MAML3: variants seen among roughly 807,000 people sequenced by gnomAD.
MAML3 encodes mastermind-like protein 3.
Under a neutral mutation model 101.9 loss-of-function variants are expected in MAML3, and 27 were observed. That is an observed-to-expected ratio of 0.27 (90% CI 0.20 to 0.37). The LOEUF (loss-of-function observed/expected upper bound fraction) is 0.37. Ranked by LOEUF, MAML3 falls within the 10% of genes least tolerant of loss-of-function variation. MAML3 has a pLI of 1.00. For missense variants in MAML3, 1,316 were observed against 1,444.9 expected (o/e 0.91, Z 1.45); for synonymous variants, 501 against 555.9 (o/e 0.90, Z 1.39).
intron 1 of MAML3, among the ~76,000 whole-genome samples, chr4:140,047,824 T>A (rs1409758864): frequency 6.6e-6 from 1 of 150,462 alleles, no homozygotes. Context: ...TGAACTTAAA[T>A]GGAGTGAAGT....
At chr4:139,727,448 C>A (rs1048208528) in intron 3 of MAML3, among the ~76,000 whole-genome samples, 1 of 152,174 alleles carries the variant, frequency 6.6e-6, no homozygotes, top group Admixed American at 6.5e-5. Context: ...CCCCTGGCAG[C>A]CTGTGGGGGA....
intron 1 of MAML3, among the ~76,000 whole-genome samples, chr4:139,988,118 G>C (rs1270530051): frequency 6.6e-6 from 1 of 150,736 alleles, no homozygotes; most frequent in East Asian, 2.0e-4. Context: ...CCTGAGGTCA[G>C]GAGTTCAAGA....
intron 1 of MAML3, among the ~76,000 whole-genome samples, chr4:139,909,968 G>A (rs540611657): frequency 6.6e-6 from 1 of 151,978 alleles, no homozygotes; most frequent in Admixed American, 6.6e-5. Context: ...AATGAGTCCT[G>A]TTAATTAAAT....
intron 1 of MAML3, among the ~76,000 whole-genome samples, chr4:140,104,738 C>T (rs1183868065): frequency 4.6e-5 from 7 of 151,694 alleles, no homozygotes; most frequent in Admixed American, 6.6e-5. Flanking sequence ...AGCGATCACC[C>T]GCCTCGGCCT....
At chr4:140,020,332 GA>G (rs1459993453) in intron 1 of MAML3, among the ~76,000 whole-genome samples, 3 of 151,880 alleles carry the variant, frequency 2.0e-5, no homozygotes, top group Admixed American at 1.3e-4. Flanking sequence ...AAAGATGGAA[GA>G]AAACAGTAGA....
chr4:139,912,658 TG>T (rs143984665), intron 1 of MAML3, among the ~76,000 whole-genome samples: 6,069 of 152,274 alleles, frequency 0.04, 156 homozygotes, highest in African/African-American at 0.07. Flanking sequence ...ACGACAGCCA[TG>T]TGAAAACACG....
Position 139,735,326 on chromosome 4 carries a change from C to A in MAML3, c.2080-4659G>T, listed in dbSNP as rs1369658158. On this transcript the variant is annotated intron_variant, in intron 2 of 4. Coordinates refer to ENST00000509479, the MANE Select transcript of MAML3 (RefSeq NM_018717.5). The surrounding 1 kb of genome is among the most constrained non-coding windows in gnomAD (Gnocchi z 5.8). ...TCTGGGGTTATCTGCCCCCCTCCTC[C>A]GACTGACACTGAACTGGTTTCTCAT... 6.6e-6 allele frequency among the ~76,000 whole-genome samples: 1 copy of A among 152,178 alleles called. No individual in the cohort carries two copies. The highest frequency in any genetic ancestry group is 1.9e-4 in the East Asian group (1 of 5,192).
chr4:139,740,778 A>T (rs1729139633), intron 2 of MAML3: 2 of 152,306 alleles, frequency 1.3e-5, no homozygotes, highest in Non-Finnish European at 2.9e-5. Context: ...AGGGAAGCTG[A>T]GTGCTCAGGG....
At chr4:139,836,617 T>G (rs1731259130) in intron 2 of MAML3, among the ~76,000 whole-genome samples, 1 of 152,174 alleles carries the variant, frequency 6.6e-6, no homozygotes, top group African/African-American at 2.4e-5. Flanking sequence ...GTTAGCCAAG[T>G]GCTGGAGCCC....
intron 1 of MAML3, among the ~76,000 whole-genome samples, chr4:139,935,624 G>C (rs547314099): frequency 6.9e-6 from 1 of 144,326 alleles, no homozygotes; most frequent in African/African-American, 2.7e-5. Flanking sequence ...AAGTGTTTCA[G>C]CTTTCCTAGG....
At chr4:139,784,361 A>G (rs1448340463) in intron 2 of MAML3, among the ~76,000 whole-genome samples, 1 of 152,174 alleles carries the variant, frequency 6.6e-6, no homozygotes, top group Non-Finnish European at 1.5e-5. Flanking sequence ...CTCCAGTGGC[A>G]TTCCAAGCGA....
chr4:140,053,339 C>A (rs988081269), intron 1 of MAML3, among the ~76,000 whole-genome samples: 2 of 152,150 alleles, frequency 1.3e-5, no homozygotes, highest in African/African-American at 4.8e-5. Flanking sequence ...TCAGCATGCC[C>A]CTCGGACCAC....
chr4:139,955,239 T>C (rs971532498), intron 1 of MAML3, among the ~76,000 whole-genome samples: 3 of 152,226 alleles, frequency 2.0e-5, no homozygotes, highest in Admixed American at 2.0e-4. Flanking sequence ...GGAAATAAAC[T>C]GAGTGGATAA....
chr4:140,060,596 T>G (rs1038222335), intron 1 of MAML3, among the ~76,000 whole-genome samples: 1 of 151,980 alleles, frequency 6.6e-6, no homozygotes, highest in African/African-American at 2.4e-5. Flanking sequence ...AGACACTAAA[T>G]TAAAAGGAAA....
intron 2 of MAML3, among the ~76,000 whole-genome samples, chr4:139,776,921 C>T (rs981891531): frequency 1.3e-5 from 2 of 152,054 alleles, no homozygotes; most frequent in Non-Finnish European, 2.9e-5. Context: ...CAGCAATAGC[C>T]ATAATTAAAG....
At chr4:140,014,289 C>T (rs1726609010) in intron 1 of MAML3, among the ~76,000 whole-genome samples, 1 of 152,034 alleles carries the variant, frequency 6.6e-6, no homozygotes, top group Non-Finnish European at 1.5e-5. Flanking sequence ...AATGACAAAG[C>T]ACGATAAATG....
chr4:139,905,564 A>G (rs1179104600), intron 1 of MAML3, among the ~76,000 whole-genome samples: 1 of 151,496 alleles, frequency 6.6e-6, no homozygotes, highest in Non-Finnish European at 1.5e-5. Flanking sequence ...AGTGATCTGT[A>G]TTAGTTTTCT....
At chr4:139,835,198 G>C (rs754702857) in intron 2 of MAML3, among the ~76,000 whole-genome samples, 2 of 152,250 alleles carry the variant, frequency 1.3e-5, no homozygotes, top group South Asian at 4.1e-4. Flanking sequence ...CTTCATCCCA[G>C]CTCAGGGATG....
chr4:139,839,837 G>A (rs1443250483), intron 2 of MAML3, among the ~76,000 whole-genome samples: 2 of 152,134 alleles, frequency 1.3e-5, no homozygotes, highest in African/African-American at 2.4e-5. Flanking sequence ...ATGAAGGGGA[G>A]ATGGTGGCAT....
Sources: allele counts gnomAD v4.1 joint callset (sites outside exome capture counted in the v4.1 genomes callset), GRCh38; gene constraint gnomAD v4.1.1; non-coding constraint Gnocchi (gnomAD v3.1); transcripts MANE v1.5; gene names NCBI Gene and HGNC (gene_info 2026-07-23, HGNC 2026-07-21).